STX12: variants seen among roughly 807,000 people sequenced by gnomAD.
The protein encoded by STX12 is syntaxin 12.
In STX12, 17 loss-of-function variants were observed where a neutral mutation model predicts 42.2. The observed-to-expected ratio is 0.40, with a 90% CI of 0.28 to 0.60. The LOEUF (loss-of-function observed/expected upper bound fraction) is 0.60, where lower values mean the gene tolerates loss of function less well. Among genes scored for constraint, STX12 ranks in the 20% least tolerant of loss-of-function variants. The pLI is 0.39. For missense variants in STX12, 297 were observed against 330.9 expected, an observed-to-expected ratio of 0.90 and a Z score of 0.79; for synonymous variants, 108 against 116.7, an observed-to-expected ratio of 0.93 and a Z score of 0.48.
intron 3 of STX12, among the ~76,000 whole-genome samples, chr1:27,793,843 T>C (rs1467949320): frequency 2.0e-5 from 3 of 152,114 alleles, no homozygotes; most frequent in Non-Finnish European, 4.4e-5. Flanking sequence ...TGTCTGCGTC[T>C]GGTAGGTAAT....
At chr1:27,789,841 G>A (rs1223433414) in intron 2 of STX12, among the ~76,000 whole-genome samples, 1 of 152,178 alleles carries the variant, frequency 6.6e-6, no homozygotes, top group East Asian at 1.9e-4. Context: ...TTGAACTCTG[G>A]TTCTTTCTCC....
chr1:27,812,876 CAG>C (rs1283239315), intron 6 of STX12, among the ~76,000 whole-genome samples: 1 of 152,118 alleles, frequency 6.6e-6, no homozygotes, highest in Admixed American at 6.6e-5. Flanking sequence ...ACAAGGCAGA[CAG>C]ATATTTTATT....
chr1:27,782,575 C>T (rs182171089), intron 1 of STX12, among the ~76,000 whole-genome samples: 1 of 152,230 alleles, frequency 6.6e-6, no homozygotes, highest in Non-Finnish European at 1.5e-5. Context: ...CGGTGACTCA[C>T]ACCTGTAATT....
chr1:27,779,646 A>G (rs917574361), intron 1 of STX12, among the ~76,000 whole-genome samples: 11 of 151,540 alleles, frequency 7.3e-5, no homozygotes, highest in African/African-American at 2.7e-4. Context: ...TCAGATCTTA[A>G]TATTTCACCT....
intron 6 of STX12, among the ~76,000 whole-genome samples, chr1:27,816,218 G>C (rs1484675806): frequency 6.6e-6 from 1 of 152,090 alleles, no homozygotes; most frequent in Non-Finnish European, 1.5e-5. Flanking sequence ...GGAGGCTGAG[G>C]CAGGAGAATT....
chr1:27,812,092 A>C, intron 5 of STX12, 71 bp from the exon 6 acceptor site: 49 of 1,244,066 alleles, frequency 3.9e-5, no homozygotes, highest in Non-Finnish European at 5.2e-5. Context: ...TGCTGGCAGT[A>C]GAGATGTTGG....
intron 4 of STX12, among the ~76,000 whole-genome samples, chr1:27,808,571 C>A (rs1428378180): frequency 6.6e-6 from 1 of 152,050 alleles, no homozygotes; most frequent in Non-Finnish European, 1.5e-5. Flanking sequence ...AAACTCCTGA[C>A]CTCAAAGTGA....
intron 8 of STX12, 32 bp from the exon 9 acceptor site, chr1:27,822,199 T>G: frequency 7.5e-6 from 10 of 1,328,004 alleles, no homozygotes; most frequent in Non-Finnish European, 1.1e-5. Context: ...ACTTGTTTCA[T>G]GAGTATCTTG....
chr1:27,803,459 G>A (rs140750099), intron 4 of STX12, among the ~76,000 whole-genome samples: 60 of 152,284 alleles, frequency 3.9e-4, no homozygotes, highest in Non-Finnish European at 7.6e-4. Flanking sequence ...TCTAAACCCA[G>A]TGAAAATATA....
At chr1:27,779,852 T>C (rs1056655855) in intron 1 of STX12, among the ~76,000 whole-genome samples, 5 of 151,804 alleles carry the variant, frequency 3.3e-5, no homozygotes, top group African/African-American at 1.2e-4. Context: ...AATGCAGTGG[T>C]GCGATCTCGG....
intron 4 of STX12, among the ~76,000 whole-genome samples, chr1:27,804,143 T>C (rs2088844443): frequency 6.6e-6 from 1 of 152,020 alleles, no homozygotes; most frequent in South Asian, 2.1e-4. Context: ...TTAAATTCTG[T>C]GGCCGGGCGC....
intron 3 of STX12, among the ~76,000 whole-genome samples, chr1:27,796,046 C>T (rs1264208578): frequency 1.3e-5 from 2 of 152,180 alleles, no homozygotes; most frequent in Non-Finnish European, 2.9e-5. Context: ...GCTACCAAAA[C>T]AAAATTCATC....
intron 4 of STX12, among the ~76,000 whole-genome samples, chr1:27,802,440 T>G (rs552898598): frequency 9.2e-5 from 14 of 152,284 alleles, no homozygotes; most frequent in Non-Finnish European, 7.4e-5. Context: ...AAGTCAAAAG[T>G]AAGCTCTTCT....
chr1:27,805,127 G>A (rs372938567), intron 4 of STX12, among the ~76,000 whole-genome samples: 4 of 152,212 alleles, frequency 2.6e-5, no homozygotes, highest in Non-Finnish European at 5.9e-5. Flanking sequence ...CCCTTGACAC[G>A]TGGGGATTAT....
intron 5 of STX12, among the ~76,000 whole-genome samples, chr1:27,811,209 C>T (rs2088900900): frequency 6.7e-6 from 1 of 149,588 alleles, no homozygotes; most frequent in South Asian, 2.1e-4. Flanking sequence ...ATCCCCACTA[C>T]TCTCGAGGCT....
chr1:27,822,452 AAACT>A lies in STX12; in HGVS notation c.*129_*132del. On this transcript the variant is annotated 3_prime_UTR_variant, in exon 9 of 9. Coordinates refer to ENST00000373943, the MANE Select transcript of STX12 (RefSeq NM_177424.3). Reference sequence around the variant, plus strand: ...GAACGTCCTGTAATCATTTAGTTAGAAACTAACTACTAACTAGTCTTTGGAATTC... The same window carrying A: ...GAACGTCCTGTAATCATTTAGTTAGAAACTACTAACTAGTCTTTGGAATTC... 1 of 659,888 alleles carries A rather than the reference AAACT, an allele frequency of 1.5e-6. No homozygotes were observed. The highest frequency in any genetic ancestry group is 2.8e-6 in the Non-Finnish European group (1 of 363,112). The allele number at this position is 659,888 out of a possible 1,614,324, so 40.9% of individuals were successfully genotyped here.
intron 4 of STX12, among the ~76,000 whole-genome samples, chr1:27,803,892 T>G (rs532425601): frequency 1.9e-4 from 29 of 152,044 alleles, no homozygotes; most frequent in African/African-American, 6.5e-4. Flanking sequence ...TCCCAGCTAC[T>G]CTGGAGGCTG....
intron 3 of STX12, among the ~76,000 whole-genome samples, chr1:27,795,699 G>A (rs1454020745): frequency 2.6e-5 from 4 of 152,204 alleles, no homozygotes; most frequent in Non-Finnish European, 5.9e-5. Context: ...CATATCTGGA[G>A]TTTTGGCCCC....
intron 1 of STX12, among the ~76,000 whole-genome samples, chr1:27,782,188 A>G (rs1398431461): frequency 6.6e-6 from 1 of 152,074 alleles, no homozygotes; most frequent in East Asian, 1.9e-4. Context: ...GGTCACTGCA[A>G]CCTTGAACTC....
Sources: gnomAD v4.1 joint callset for allele counts (sites outside exome capture counted in the v4.1 genomes callset) on GRCh38, gnomAD v4.1.1 for gene constraint, MANE v1.5 for transcripts, NCBI Gene and HGNC (gene_info 2026-07-23, HGNC 2026-07-21) for gene names.